Variants in HS3ST3B1 observed in about 807,000 individuals in gnomAD.
The protein encoded by HS3ST3B1 is heparan sulfate-glucosamine 3-sulfotransferase 3B1.
HS3ST3B1 carries 13 observed loss-of-function variants against 21.3 expected under a neutral mutation model. That is an observed-to-expected ratio of 0.61 (90% CI 0.40 to 0.97). The LOEUF (loss-of-function observed/expected upper bound fraction) is 0.97, where lower values mean the gene tolerates loss of function less well. HS3ST3B1 is among the 50% of genes least tolerant of loss of function. The probability of loss-of-function intolerance (pLI) is 0.00; values close to 1 mark genes in which losing one functional copy is unlikely to be tolerated. For missense variants in HS3ST3B1, 459 were observed against 554.8 expected (o/e 0.83, Z 1.73); for synonymous variants, 234 against 254.8 (o/e 0.92, Z 0.78).
At chr17:14,305,678 C>T (rs559293916) in intron 1 of HS3ST3B1, among the ~76,000 whole-genome samples, 38 of 152,160 alleles carry the variant, frequency 2.5e-4, no homozygotes, top group Non-Finnish European at 3.5e-4. Flanking sequence ...TCCCCCTTTC[C>T]ATTCTGCGTT....
At chr17:14,340,587 CT>C (rs201259383) in intron 1 of HS3ST3B1, among the ~76,000 whole-genome samples, 1 of 151,984 alleles carries the variant, frequency 6.6e-6, no homozygotes, top group East Asian at 1.9e-4. Flanking sequence ...TTACTCTTTT[CT>C]TTTTTTTCTT....
rs562857342 is a variant in HS3ST3B1, at chr17:14,334,206, G to A, written c.555-10822G>A. On this transcript the variant is annotated intron_variant, in intron 1 of 1. Transcript: ENST00000360954. Reference sequence around the variant, plus strand: ...AAGTTGAGGCGTAGTTGAAAAGTTTGGGGGAGCCTGAGTCGTTTGATTGGG... The same window carrying A: ...AAGTTGAGGCGTAGTTGAAAAGTTTAGGGGAGCCTGAGTCGTTTGATTGGG... Among the ~76,000 whole-genome samples the A allele has an allele frequency of 1.4e-3, 215 of 152,182 alleles. 1 individual carries two copies. The highest frequency in any genetic ancestry group is 4.8e-3 in the African/African-American group (199 of 41,524).
chr17:14,301,290 G>A lies in HS3ST3B1; in HGVS notation c.-229G>A. ...GCAGTTACCGCCGTCCCGACTTTCC[G>A]TTCCAGTTGCAGCTCCTGCCGGGCA... On this transcript the variant is annotated 5_prime_UTR_variant, in exon 1 of 2. Transcript: ENST00000360954. 2.0e-6 allele frequency: 1 copy of A among 490,702 alleles called. No individual in the cohort carries two copies. The highest frequency in any genetic ancestry group is 3.5e-6 in the Non-Finnish European group (1 of 282,468). 30.4% of individuals were successfully genotyped at this position (490,702 alleles called of 1,614,324 possible). A position where few individuals can be genotyped will look rare whatever the true frequency, so the allele number is the denominator to read the frequency against.
At position 14,345,339 on chromosome 17, in the gene HS3ST3B1, T is replaced by A. The variant is rs1398627505; in HGVS notation, c.866T>A (p.Ile289Asn). Residue 289 changes from isoleucine to asparagine, a missense_variant, in exon 2 of 2, where the codon ATC (isoleucine) becomes AAC (asparagine). Coordinates refer to ENST00000360954, the MANE Select transcript of HS3ST3B1 (RefSeq NM_006041.3). The part of the protein sequence containing the change: ...HLEHWLRHFP[I>N]RQMLFVSGER... ...GAGCACTGGCTGCGCCACTTCCCCATCCGCCAGATGCTCTTCGTGAGCGGC... is the reference window on the plus strand; with the variant it reads ...GAGCACTGGCTGCGCCACTTCCCCAACCGCCAGATGCTCTTCGTGAGCGGC... 1 of 1,077,786 alleles carries A rather than the reference T, an allele frequency of 9.3e-7. No homozygotes were observed. The highest frequency in any genetic ancestry group is 2.6e-5 in the East Asian group (1 of 38,460). The allele number at this position is 1,077,786 out of a possible 1,614,324, so 66.8% of individuals were successfully genotyped here.
chr17:14,336,838 C>T (rs1910197962), intron 1 of HS3ST3B1, among the ~76,000 whole-genome samples: 2 of 152,072 alleles, frequency 1.3e-5, no homozygotes, highest in Non-Finnish European at 2.9e-5. Flanking sequence ...TTCCTTCCTT[C>T]CATCCTTTCT....
chr17:14,326,944 A>AG (rs1555549295), intron 1 of HS3ST3B1, among the ~76,000 whole-genome samples: 7 of 148,126 alleles, frequency 4.7e-5, no homozygotes, highest in Non-Finnish European at 8.9e-5. Flanking sequence ...AAAAAAAAAA[A>AG]AAGAAGAAGA....
chr17:14,340,372 C>A (rs985034574), intron 1 of HS3ST3B1, among the ~76,000 whole-genome samples: 1 of 151,956 alleles, frequency 6.6e-6, no homozygotes, highest in Non-Finnish European at 1.5e-5. Context: ...ATTCCCCTTA[C>A]CCCTCATGGC....
chr17:14,302,876 G>T (rs895700637), intron 1 of HS3ST3B1, among the ~76,000 whole-genome samples: 7 of 152,216 alleles, frequency 4.6e-5, no homozygotes, highest in Admixed American at 1.3e-4. Flanking sequence ...GTGTCTCCGC[G>T]GGGCTTTTAC....
chr17:14,304,851 T>C (rs959314939), intron 1 of HS3ST3B1: 2 of 152,354 alleles, frequency 1.3e-5, no homozygotes, highest in African/African-American at 4.8e-5. Flanking sequence ...GGACGAATGG[T>C]TGAGTCTGAG....
At chr17:14,310,243 C>T (rs1234157029) in intron 1 of HS3ST3B1, among the ~76,000 whole-genome samples, 4 of 152,156 alleles carry the variant, frequency 2.6e-5, no homozygotes, top group Non-Finnish European at 5.9e-5. Flanking sequence ...GTGGCACGCC[C>T]CCTCCCCAGC....
intron 1 of HS3ST3B1, among the ~76,000 whole-genome samples, chr17:14,319,722 G>A (rs1039529570): frequency 2.6e-5 from 4 of 152,140 alleles, no homozygotes; most frequent in African/African-American, 4.8e-5. Context: ...GGGGGTAGAC[G>A]GTTTTGTGGG....
intron 1 of HS3ST3B1, chr17:14,329,367 A>AAAGGAAGGAAGGAAGGAAGGAAGG (rs144191311): frequency 1.1e-3 from 112 of 106,208 alleles, no homozygotes; most frequent in Middle Eastern, 4.6e-3. Context: ...GAAAGAAAGA[A>AAAGGAAGGAAGGAAGGAAGGAAGG]AAGGAAGGAA....
Position 14,347,582 on chromosome 17 carries a change from T to A in HS3ST3B1, c.*1936T>A, listed in dbSNP as rs1037776434. On this transcript the variant is annotated 3_prime_UTR_variant, in exon 2 of 2. Transcript: ENST00000360954. ...CACTTGCCTGATAGTATAAGGAACA[T>A]TGTATGAAAAGATGAAAAGATACTT... The A allele has an allele frequency of 6.6e-6, 1 of 152,194 alleles. No individual in the cohort carries two copies. Among genetic ancestry groups the A allele is most frequent in the African/African-American group, 2.4e-5 (1 of 41,452 alleles). 9.4% of individuals were successfully genotyped at this position (152,194 alleles called of 1,614,324 possible).
intron 1 of HS3ST3B1, among the ~76,000 whole-genome samples, chr17:14,321,181 C>T (rs914216639): frequency 3.3e-5 from 5 of 152,138 alleles, no homozygotes; most frequent in Admixed American, 6.6e-5. Flanking sequence ...GACACTTTCC[C>T]GTCTACGTTC....
intron 1 of HS3ST3B1, among the ~76,000 whole-genome samples, chr17:14,314,036 G>A (rs1909419984): frequency 1.3e-5 from 2 of 151,984 alleles, no homozygotes; most frequent in Non-Finnish European, 2.9e-5. Flanking sequence ...CTGGAGTGCA[G>A]TGGCACGATC....
At chr17:14,335,943 A>G (rs1910174229) in intron 1 of HS3ST3B1, among the ~76,000 whole-genome samples, 1 of 152,226 alleles carries the variant, frequency 6.6e-6, no homozygotes, top group Non-Finnish European at 1.5e-5. Context: ...GGAACTGGAC[A>G]CCAAGAATGA....
intron 1 of HS3ST3B1, among the ~76,000 whole-genome samples, chr17:14,321,060 T>A (rs1909644808): frequency 6.6e-6 from 1 of 152,202 alleles, no homozygotes; most frequent in Non-Finnish European, 1.5e-5. Flanking sequence ...TCACTCCTTT[T>A]GTTGTTGTTC....
At chr17:14,307,781 C>T (rs1010745133) in intron 1 of HS3ST3B1, among the ~76,000 whole-genome samples, 4 of 152,176 alleles carry the variant, frequency 2.6e-5, no homozygotes, top group African/African-American at 9.7e-5. Flanking sequence ...AAAATGCCTA[C>T]TCTAAAGGCA....
chr17:14,342,858 T>C (rs1003451082), intron 1 of HS3ST3B1, among the ~76,000 whole-genome samples: 1 of 152,228 alleles, frequency 6.6e-6, no homozygotes, highest in African/African-American at 2.4e-5. Flanking sequence ...TTTCATTTAA[T>C]TTTTTTCCTT....
Sources: gnomAD v4.1 joint callset for allele counts (sites outside exome capture counted in the v4.1 genomes callset) on GRCh38, gnomAD v4.1.1 for gene constraint, MANE v1.5 for transcripts, NCBI Gene and HGNC (gene_info 2026-07-23, HGNC 2026-07-21) for gene names.